The following RERE variants were observed in gnomAD, a reference collection of about 807,000 sequenced individuals.
RERE encodes the protein arginine-glutamic acid dipeptide repeats protein.
RERE carries 40 observed loss-of-function variants against 146.1 expected under a neutral mutation model. That is an observed-to-expected ratio of 0.27 (90% CI 0.21 to 0.36). The LOEUF (loss-of-function observed/expected upper bound fraction) is 0.36. Ranked by LOEUF, RERE falls within the 10% of genes least tolerant of loss-of-function variation. RERE has a pLI of 1.00. For synonymous variants in RERE, 1,003 were observed against 866.0 expected, an observed-to-expected ratio of 1.16 and a Z score of -2.78; for missense variants, 1,933 against 2,138.7, an observed-to-expected ratio of 0.90 and a Z score of 1.90.
chr1:8,492,159 G>C (rs4908761), intron 10 of RERE, among the ~76,000 whole-genome samples: 4 of 151,962 alleles, frequency 2.6e-5, no homozygotes, highest in Non-Finnish European at 4.4e-5. Context: ...AGGCTAGTCT[G>C]AAGAGTTTCA....
chr1:8,436,745 A>G (rs1253513304), intron 11 of RERE, among the ~76,000 whole-genome samples: 2 of 152,214 alleles, frequency 1.3e-5, no homozygotes, highest in African/African-American at 4.8e-5. Flanking sequence ...AAGATCAAAA[A>G]TATTATCATT....
chr1:8,370,622 C>T (rs888159447), intron 12 of RERE, among the ~76,000 whole-genome samples: 4 of 152,158 alleles, frequency 2.6e-5, no homozygotes, highest in East Asian at 3.8e-4. Flanking sequence ...AGTCTAGGAT[C>T]GGAAATGGCA....
chr1:8,595,495 TTTA>T (rs1372616576), intron 4 of RERE, among the ~76,000 whole-genome samples: 2 of 151,738 alleles, frequency 1.3e-5, no homozygotes, highest in Admixed American at 6.6e-5. Flanking sequence ...TTTTAATGTA[TTTA>T]TTTTTATGTA....
At position 8,575,507 on chromosome 1, in the gene RERE, G is replaced by T. The variant is rs1570459099; in HGVS notation, c.523-17984C>A. 4.8e-5 allele frequency among the ~76,000 whole-genome samples: 7 copies of T among 144,858 alleles called. No homozygotes were observed. In the East Asian group the frequency reaches 1.4e-3, roughly 29 times the overall value. On this transcript the variant is annotated intron_variant, in intron 4 of 22. Coordinates refer to ENST00000400908, the MANE Select transcript of RERE (RefSeq NM_001042681.2). ...GACTCCCAAGTAGCTAGGACTACAG[G>T]CCTGTGCCACCACACCTGGCTAATT...
chr1:8,358,045 G>T, intron 20 of RERE, 151 bp downstream of exon 20: 2 of 1,357,476 alleles, frequency 1.5e-6, no homozygotes, highest in Non-Finnish European at 2.0e-6. Flanking sequence ...AAACCATGAC[G>T]GTAGTGGATG....
intron 1 of RERE, among the ~76,000 whole-genome samples, chr1:8,720,126 A>C (rs1639833694): frequency 6.6e-6 from 1 of 151,976 alleles, no homozygotes; most frequent in African/African-American, 2.4e-5. Flanking sequence ...AAAAAAATTT[A>C]GCTGGGCATG....
chr1:8,426,610 C>T (rs1415931510), intron 11 of RERE, among the ~76,000 whole-genome samples: 1 of 152,184 alleles, frequency 6.6e-6, no homozygotes, highest in Non-Finnish European at 1.5e-5. Context: ...TTTTTCCCAA[C>T]TATAGATTTC....
chr1:8,607,196 A>T (rs1391924279), intron 4 of RERE, among the ~76,000 whole-genome samples: 3 of 151,942 alleles, frequency 2.0e-5, no homozygotes, highest in African/African-American at 7.3e-5. Context: ...CCCCGTCTCT[A>T]AAAAAATTTA....
intron 1 of RERE, among the ~76,000 whole-genome samples, chr1:8,772,534 A>G (rs1485221444): frequency 1.3e-5 from 2 of 151,958 alleles, no homozygotes; most frequent in African/African-American, 4.8e-5. Flanking sequence ...CAGCACTTTG[A>G]AAGGCCACGG....
chr1:8,722,615 G>T lies in RERE; in HGVS notation c.-144-66174C>A, dbSNP rs1266472144. 2.0e-5 allele frequency among the ~76,000 whole-genome samples: 3 copies of T among 152,158 alleles called. No individual in the cohort carries two copies. In the East Asian group the frequency reaches 5.8e-4, roughly 29 times the overall value. On this transcript the variant is annotated intron_variant, in intron 1 of 22. Transcript: ENST00000400908. ...GAAAATATTTGGAGGAACAAAAAAAGGATGGTTGCTTCTGTACTAAACATG... is the reference window on the plus strand; with the variant it reads ...GAAAATATTTGGAGGAACAAAAAAATGATGGTTGCTTCTGTACTAAACATG...
intron 1 of RERE, among the ~76,000 whole-genome samples, chr1:8,741,695 T>C (rs2124503462): frequency 6.6e-6 from 1 of 152,352 alleles, no homozygotes; most frequent in South Asian, 2.1e-4. Context: ...ATTGTGGAAC[T>C]GTGAGTCAAT....
At chr1:8,589,439 C>G (rs1397519078) in intron 4 of RERE, among the ~76,000 whole-genome samples, 2 of 152,056 alleles carry the variant, frequency 1.3e-5, no homozygotes, top group Non-Finnish European at 2.9e-5. Context: ...GACCCTGTCT[C>G]AAAAACAAAC....
intron 9 of RERE, among the ~76,000 whole-genome samples, chr1:8,496,331 G>A (rs566069570): frequency 6.6e-6 from 1 of 151,902 alleles, no homozygotes; most frequent in African/African-American, 2.4e-5. Flanking sequence ...ATTAAAAATA[G>A]CCGGGCATGG....
At chr1:8,665,320 G>C (rs770272967) in intron 1 of RERE, among the ~76,000 whole-genome samples, 4 of 152,204 alleles carry the variant, frequency 2.6e-5, no homozygotes, top group African/African-American at 7.2e-5. Context: ...CTCCCAGCTA[G>C]AAGTTCCTTG....
chr1:8,369,509 A>T (rs28630372), intron 12 of RERE, among the ~76,000 whole-genome samples: 3,262 of 19,330 alleles, frequency 0.17, 98 homozygotes, highest in South Asian at 0.2. Flanking sequence ...GCCTTTTACT[A>T]AAAAAAAAAA....
chr1:8,678,885 A>G (rs11121216), intron 1 of RERE, among the ~76,000 whole-genome samples: 92,883 of 151,444 alleles, frequency 0.61, 28,876 homozygotes, highest in East Asian at 0.83. Context: ...TTACAGCCAT[A>G]TGACCCACTT....
chr1:8,554,887 C>A (rs967368218), intron 6 of RERE, among the ~76,000 whole-genome samples: 3 of 152,038 alleles, frequency 2.0e-5, no homozygotes, highest in African/African-American at 7.3e-5. Flanking sequence ...TAACAATATT[C>A]CAGGATTAAG....
chr1:8,360,425 C>T lies in RERE; in HGVS notation c.3082G>A (p.Val1028Met). The T allele has an allele frequency of 5.6e-6, 4 of 717,778 alleles. No homozygotes were observed. Among genetic ancestry groups the T allele is most frequent in the Non-Finnish European group, 7.0e-6 (4 of 575,168 alleles). The allele number at this position is 717,778 out of a possible 1,614,324, so 44.5% of individuals were successfully genotyped here. The change falls in exon 18 of 23, where the codon GTG becomes ATG. Residue 1028 changes from valine (V) to methionine (M), a missense_variant. By Grantham distance (21) the Val-to-Met change is conservative. Coordinates refer to ENST00000400908, the MANE Select transcript of RERE (RefSeq NM_001042681.2). Reference sequence around the variant, plus strand: ...TGAGCAAACGGGGGTTGGGGGGCCACCTGGTGGAGGCCTGTAGGGGGGTGG... The same window carrying T: ...TGAGCAAACGGGGGTTGGGGGGCCATCTGGTGGAGGCCTGTAGGGGGGTGG... ...ASHPPTGLHQ[V>M]APQPPFAQHP...
At chr1:8,418,656 T>G (rs1643843092) in intron 12 of RERE, among the ~76,000 whole-genome samples, 1 of 152,246 alleles carries the variant, frequency 6.6e-6, no homozygotes, top group Admixed American at 6.5e-5. Context: ...AGAGAAGAGA[T>G]ATGTCACCAC....
Sources: allele counts gnomAD v4.1 joint callset (sites outside exome capture counted in the v4.1 genomes callset), GRCh38; gene constraint gnomAD v4.1.1; transcripts MANE v1.5; gene names NCBI Gene and HGNC (gene_info 2026-07-23, HGNC 2026-07-21).